Variants in MAGI2 observed in about 807,000 individuals in gnomAD.
MAGI2 encodes the protein membrane associated guanylate kinase, WW and PDZ domain containing 2, also known as membrane-associated guanylate kinase, WW and PDZ domain-containing protein 2.
In MAGI2, 35 loss-of-function variants were observed where a neutral mutation model predicts 133.3. The ratio of observed to expected loss-of-function variants is 0.26; its 90% CI spans 0.20 to 0.35. MAGI2 has a LOEUF of 0.35. MAGI2 is among the 10% of genes least tolerant of loss of function. MAGI2 has a pLI of 1.00. For synonymous variants in MAGI2, 729 were observed against 710.6 expected, an observed-to-expected ratio of 1.03 and a Z score of -0.41; for missense variants, 1,636 against 1,863.4, an observed-to-expected ratio of 0.88 and a Z score of 2.25.
chr7:78,458,877 G>A (rs765435878), intron 6 of MAGI2, among the ~76,000 whole-genome samples: 59 of 152,182 alleles, frequency 3.9e-4, no homozygotes, highest in Admixed American at 1.3e-3. Context: ...CTCGTGATCC[G>A]CCCGCCTTGG....
intron 1 of MAGI2, among the ~76,000 whole-genome samples, chr7:79,213,325 T>TACACACGTACAC (rs1554406307): frequency 6.9e-6 from 1 of 145,398 alleles, no homozygotes; most frequent in African/African-American, 2.6e-5. Flanking sequence ...CGTACACACG[T>TACACACGTACAC]ACACACACAC....
chr7:79,248,103 T>C (rs1002393575), intron 1 of MAGI2, among the ~76,000 whole-genome samples: 6 of 152,090 alleles, frequency 3.9e-5, no homozygotes, highest in Non-Finnish European at 8.8e-5. Context: ...GATGCAATGA[T>C]TTACTGTATA....
intron 21 of MAGI2, among the ~76,000 whole-genome samples, chr7:78,059,040 C>G (rs1812953117): frequency 6.6e-6 from 1 of 152,206 alleles, no homozygotes; most frequent in Admixed American, 6.5e-5. Context: ...TCACCTGCAT[C>G]TTACTTCTGT....
At position 78,829,694 on chromosome 7, in the gene MAGI2, C is replaced by G. The variant is rs147426290; in HGVS notation, c.418+177396G>C. Among the ~76,000 whole-genome samples, 935 of 152,144 alleles carry G rather than the reference C, an allele frequency of 6.1e-3. 6 individuals are homozygous for G. Among genetic ancestry groups the G allele is most frequent in the Non-Finnish European group, 0.011 (724 of 67,922 alleles). On this transcript the variant is annotated intron_variant, in intron 2 of 21. Transcript: ENST00000354212. ...TTAAAATTCCAATCTAGAGCATCAA[C>G]CATCATGATTGAAACTACTAAATTT...
chr7:78,091,370 C>G (rs1817192737), intron 20 of MAGI2, among the ~76,000 whole-genome samples: 1 of 152,010 alleles, frequency 6.6e-6, no homozygotes, highest in South Asian at 2.1e-4. Context: ...GACACAAGAA[C>G]GTTTATACCA....
At chr7:78,485,421 T>G (rs1792890900) in intron 6 of MAGI2, 1 of 152,022 alleles carries the variant, frequency 6.6e-6, no homozygotes, top group Admixed American at 6.6e-5. Flanking sequence ...TATGTTTTTA[T>G]GTTTAGTAGC....
At position 79,430,966 on chromosome 7, in the gene MAGI2, C is replaced by A. The variant is rs193206053; in HGVS notation, c.301+22054G>T. Reference sequence around the variant, plus strand: ...ATGCCTTCTGCAGTTAAATAAAGACCGATAAGCTTGAATGTTAGCTTGAGG... The same window carrying A: ...ATGCCTTCTGCAGTTAAATAAAGACAGATAAGCTTGAATGTTAGCTTGAGG... On this transcript the variant is annotated intron_variant, in intron 1 of 21. Transcript: ENST00000354212. Among the ~76,000 whole-genome samples the A allele has an allele frequency of 2.6e-5, 4 of 152,242 alleles. No individual in the cohort carries two copies. The East Asian group carries it at 5.8e-4, about 22-fold the overall frequency.
At chr7:78,939,804 C>T (rs920348971) in intron 2 of MAGI2, 1 of 152,102 alleles carries the variant, frequency 6.6e-6, no homozygotes, top group Non-Finnish European at 1.5e-5. Context: ...CCTCGGGATT[C>T]ACTGTTGCGA....
At chr7:78,576,944 ACAAG>A (rs1393643631) in intron 3 of MAGI2, among the ~76,000 whole-genome samples, 3 of 152,098 alleles carry the variant, frequency 2.0e-5, no homozygotes, top group African/African-American at 7.2e-5. Context: ...ACTAAAACAA[ACAAG>A]CAAGCAAACA....
chr7:78,611,841 A>G (rs1336004227), intron 3 of MAGI2, among the ~76,000 whole-genome samples: 1 of 152,188 alleles, frequency 6.6e-6, no homozygotes, highest in African/African-American at 2.4e-5. Context: ...TGATTGTCCT[A>G]CAACTGACCT....
Position 78,627,218 on chromosome 7 carries a change from T to G in MAGI2, c.440A>C (p.Glu147Ala), listed in dbSNP as rs757269861. Residue 147 changes from glutamate to alanine, a missense_variant, in exon 3 of 22, where the codon GAG (glutamate) becomes GCG (alanine). This residue lies in a region of MAGI2 where 148 missense variants were observed against 239.0 expected (regional missense o/e 0.62). Coordinates refer to ENST00000354212, the MANE Select transcript of MAGI2 (RefSeq NM_012301.4). ...TVPCTTRPHK[E>A]GEVPGVDYIF... ...ATAATCCACTCCAGGGACCTCACCCTCCTTATGTGGCCTTGTGGTGCCTGA... is the reference window on the plus strand; with the variant it reads ...ATAATCCACTCCAGGGACCTCACCCGCCTTATGTGGCCTTGTGGTGCCTGA... 2 of 1,576,220 alleles carry G rather than the reference T, an allele frequency of 1.3e-6. No individual in the cohort carries two copies. Among genetic ancestry groups the G allele is most frequent in the Admixed American group, 3.7e-5 (2 of 54,662 alleles).
intron 2 of MAGI2, among the ~76,000 whole-genome samples, chr7:78,799,202 C>T (rs1176473127): frequency 6.6e-6 from 1 of 152,106 alleles, no homozygotes; most frequent in Non-Finnish European, 1.5e-5. Flanking sequence ...AGGCAGCGGA[C>T]AACTATTGAG....
At chr7:79,315,662 A>C (rs189624564) in intron 1 of MAGI2, among the ~76,000 whole-genome samples, 1 of 152,254 alleles carries the variant, frequency 6.6e-6, no homozygotes, top group Admixed American at 6.5e-5. Context: ...AAGTATAAGC[A>C]GGATGCCCAC....
chr7:79,214,438 TATATAAA>T (rs1563003627), intron 1 of MAGI2, among the ~76,000 whole-genome samples: 9 of 124,904 alleles, frequency 7.2e-5, no homozygotes, highest in South Asian at 2.5e-4. Context: ...TATATATATA[TATATAAA>T]TATGCACACA....
At chr7:78,183,771 T>C (rs145660798) in intron 13 of MAGI2, among the ~76,000 whole-genome samples, 2,107 of 152,262 alleles carry the variant, frequency 0.014, 61 homozygotes, top group African/African-American at 0.049. Context: ...TCTTGCCATC[T>C]TGTCTAGGTT....
At chr7:79,441,990 T>C (rs970076177) in intron 1 of MAGI2, among the ~76,000 whole-genome samples, 1 of 152,174 alleles carries the variant, frequency 6.6e-6, no homozygotes, top group Non-Finnish European at 1.5e-5. Context: ...TGCCCCTGCC[T>C]CTTCTTTTGT....
At chr7:79,112,944 T>C (rs961506893) in intron 1 of MAGI2, among the ~76,000 whole-genome samples, 1 of 152,222 alleles carries the variant, frequency 6.6e-6, no homozygotes, top group Admixed American at 6.5e-5. Context: ...CTAATATTTA[T>C]TTAGTACATG....
intron 4 of MAGI2, among the ~76,000 whole-genome samples, chr7:78,514,639 T>A (rs6466258): frequency 0.64 from 98,025 of 152,074 alleles, 32,712 homozygotes; most frequent in African/African-American, 0.83. Flanking sequence ...AGCAGGGCAT[T>A]GGCGTTGGGG....
chr7:78,132,843 C>G (rs777184614), intron 18 of MAGI2, 46 bp downstream of exon 18: 1 of 1,613,778 alleles, frequency 6.2e-7, no homozygotes. Flanking sequence ...CCTCCTTTCC[C>G]CACCCTATCA....
Sources: gnomAD v4.1 joint callset for allele counts (sites outside exome capture counted in the v4.1 genomes callset) on GRCh38, gnomAD v4.1.1 for gene constraint, gnomAD v4.1.1 regional missense constraint, MANE v1.5 for transcripts, NCBI Gene and HGNC (gene_info 2026-07-23, HGNC 2026-07-21) for gene names.